Variants in PTPRT observed in about 807,000 individuals in gnomAD.
PTPRT encodes receptor-type tyrosine-protein phosphatase T.
A neutral mutation model predicts 176.8 loss-of-function variants in PTPRT; 56 were observed. The ratio of observed to expected loss-of-function variants is 0.32; its 90% CI spans 0.26 to 0.40. PTPRT has a LOEUF of 0.40. Ranked by LOEUF, PTPRT falls within the 10% of genes least tolerant of loss-of-function variation. The probability of loss-of-function intolerance (pLI) is 1.00; values close to 1 mark genes in which losing one functional copy is unlikely to be tolerated. For synonymous variants in PTPRT, 783 were observed against 739.0 expected, an observed-to-expected ratio of 1.06 and a Z score of -0.96; for missense variants, 1,540 against 1,908.2, an observed-to-expected ratio of 0.81 and a Z score of 3.60.
chr20:42,879,019 A>G (rs56265801), intron 2 of PTPRT, among the ~76,000 whole-genome samples: 3,092 of 152,124 alleles, frequency 0.02, 55 homozygotes, highest in Middle Eastern at 0.051. Flanking sequence ...ACCGAGCGAG[A>G]CTCCATCTCA....
chr20:42,042,271 G>T, the PTPRT span, among the ~76,000 whole-genome samples: 1 of 152,110 alleles, frequency 6.6e-6, no homozygotes, highest in Non-Finnish European at 1.5e-5. Flanking sequence ...ACTCTGCCAA[G>T]CATTAGTGAG....
intron 17 of PTPRT, among the ~76,000 whole-genome samples, chr20:42,160,916 C>A (rs1030013589): frequency 3.3e-5 from 5 of 151,998 alleles, no homozygotes; most frequent in African/African-American, 1.2e-4. Context: ...AAGAGGTGAC[C>A]AAGGGCAAGC....
chr20:42,456,751 G>A (rs987952949), intron 8 of PTPRT, among the ~76,000 whole-genome samples: 2 of 151,900 alleles, frequency 1.3e-5, no homozygotes, highest in Admixed American at 1.3e-4. Flanking sequence ...TTTTGTTTAG[G>A]TATTTGCATA....
At chr20:42,865,376 T>C (rs1450598035) in intron 2 of PTPRT, among the ~76,000 whole-genome samples, 1 of 152,158 alleles carries the variant, frequency 6.6e-6, no homozygotes, top group Non-Finnish European at 1.5e-5. Flanking sequence ...CCACCTCAGA[T>C]TTTCTGTTTC....
chr20:42,573,202 A>G (rs1478877933), intron 7 of PTPRT, among the ~76,000 whole-genome samples: 2 of 152,198 alleles, frequency 1.3e-5, no homozygotes, highest in African/African-American at 4.8e-5. Context: ...AACAAGGTGC[A>G]TCTAGCCAAG....
chr20:42,119,013 GAAAAAAAAAAAAA>G (rs11415242), intron 20 of PTPRT, among the ~76,000 whole-genome samples: 10 of 29,214 alleles, frequency 3.4e-4, no homozygotes, highest in Admixed American at 1.4e-3. Context: ...AGAAAGGAAG[GAAAAAAAAAAAAA>G]AAAAAAAAAA....
intron 2 of PTPRT, among the ~76,000 whole-genome samples, chr20:42,844,317 T>G (rs1373865118): frequency 6.6e-6 from 1 of 152,164 alleles, no homozygotes; most frequent in Non-Finnish European, 1.5e-5. Context: ...GCCTACCAAA[T>G]TCAAAAGGCA....
chr20:42,528,273 G>A (rs2072314608), intron 7 of PTPRT, among the ~76,000 whole-genome samples: 2 of 151,832 alleles, frequency 1.3e-5, no homozygotes, highest in South Asian at 2.1e-4. Flanking sequence ...TTCACAGGCC[G>A]AACAGCCCTG....
chr20:42,721,554 T>C (rs961465308), intron 6 of PTPRT, among the ~76,000 whole-genome samples: 1 of 152,176 alleles, frequency 6.6e-6, no homozygotes, highest in Non-Finnish European at 1.5e-5. Flanking sequence ...TACACAGCCA[T>C]GCTGAGAAAC....
chr20:42,861,655 T>C (rs1373143530), intron 2 of PTPRT, among the ~76,000 whole-genome samples: 1 of 151,992 alleles, frequency 6.6e-6, no homozygotes, highest in Non-Finnish European at 1.5e-5. Flanking sequence ...CCAAATATTA[T>C]GATAAGGACT....
chr20:42,960,417 C>T (rs889773579), intron 1 of PTPRT, among the ~76,000 whole-genome samples: 3 of 152,052 alleles, frequency 2.0e-5, no homozygotes, highest in Admixed American at 6.6e-5. Context: ...TTTATAAAAG[C>T]ATTAATCCCA....
At chr20:42,654,518 C>T (rs115234552) in intron 7 of PTPRT, among the ~76,000 whole-genome samples, 2,590 of 152,174 alleles carry the variant, frequency 0.017, 71 homozygotes, top group African/African-American at 0.056. Flanking sequence ...ACTATTCAAG[C>T]GGATGGTTAC....
chr20:42,447,421 C>A (rs1413678929), intron 9 of PTPRT, among the ~76,000 whole-genome samples: 1 of 151,798 alleles, frequency 6.6e-6, no homozygotes, highest in African/African-American at 2.4e-5. Flanking sequence ...GGTATCCATG[C>A]CCTTCCCTCT....
chr20:42,393,946 C>T (rs778245347), intron 9 of PTPRT, among the ~76,000 whole-genome samples: 8 of 151,736 alleles, frequency 5.3e-5, no homozygotes, highest in Admixed American at 6.6e-5. Flanking sequence ...CCTATATTCC[C>T]GAATACAACC....
the PTPRT span, among the ~76,000 whole-genome samples, chr20:42,052,735 C>T: frequency 1.3e-5 from 2 of 152,148 alleles, no homozygotes; most frequent in African/African-American, 2.4e-5. Context: ...CTGGCAGTGC[C>T]ATTTATATTT....
chr20:42,374,874 AC>A (rs2145611870), intron 9 of PTPRT, among the ~76,000 whole-genome samples: 1 of 152,350 alleles, frequency 6.6e-6, no homozygotes, highest in South Asian at 2.1e-4. Context: ...GTTAGTAACA[AC>A]TAGAATCTGA....
chr20:42,441,928 G>A (rs1490493206), intron 9 of PTPRT, among the ~76,000 whole-genome samples: 4 of 152,078 alleles, frequency 2.6e-5, no homozygotes, highest in Non-Finnish European at 5.9e-5. Flanking sequence ...TTTTGCTTTG[G>A]GCTGTATTAG....
chr20:42,613,012 T>C (rs755221175), intron 7 of PTPRT, among the ~76,000 whole-genome samples: 2 of 152,214 alleles, frequency 1.3e-5, no homozygotes, highest in African/African-American at 2.4e-5. Context: ...ACACCCTAAA[T>C]GTTAACACTC....
chr20:42,087,059 T>C (rs1277630998), intron 27 of PTPRT, among the ~76,000 whole-genome samples: 1 of 151,704 alleles, frequency 6.6e-6, no homozygotes, highest in Non-Finnish European at 1.5e-5. Context: ...GGGCAATGTC[T>C]GAAGACATTT....
Sources: allele counts gnomAD v4.1 joint callset (sites outside exome capture counted in the v4.1 genomes callset), GRCh38; gene constraint gnomAD v4.1.1; transcripts MANE v1.5; gene names NCBI Gene and HGNC (gene_info 2026-07-23, HGNC 2026-07-21).